MT2A: variants seen among roughly 807,000 people sequenced by gnomAD.
The protein encoded by MT2A is metallothionein-2.
Under a neutral mutation model 9.9 loss-of-function variants are expected in MT2A, and 6 were observed. That is an observed-to-expected ratio of 0.61 (90% CI 0.33 to 1.20). The LOEUF is 1.20. Ranked by LOEUF, MT2A falls within the 50% of genes most tolerant of loss-of-function variation. MT2A has a pLI of 0.04. For synonymous variants in MT2A, 27 were observed against 28.7 expected, an observed-to-expected ratio of 0.94 and a Z score of 0.18; for missense variants, 57 against 78.2, an observed-to-expected ratio of 0.73 and a Z score of 1.02.
intron 2 of MT2A, 24 bp downstream of exon 2, chr16:56,609,081 C>T (rs968804747): frequency 1.9e-6 from 3 of 1,613,766 alleles, no homozygotes; most frequent in Admixed American, 3.3e-5. Flanking sequence ...TCTCTTTCCT[C>T]TACCCCTTCC....
chr16:56,609,184 G>A, intron 2 of MT2A, 79 bp from the exon 3 acceptor site: 4 of 1,612,840 alleles, frequency 2.5e-6, no homozygotes, highest in Non-Finnish European at 3.4e-6. Context: ...CCTCCTCAGT[G>A]ATCCTTATCA....
In MT2A at chr16:56,609,023, A is replaced by G. The variant is rs959287335; in HGVS notation, c.60A>G (p.Lys20=). The change falls in exon 2 of 3, where the codon AAA becomes AAG. Residue 20 remains lysine (K), a synonymous_variant. Transcript: ENST00000245185. ...CCTGCACCTGCGCCGGCTCCTGCAA[A>G]TGCAAAGAGTGCAAATGCACCTCCT... The part of the protein sequence containing the change: ...GDSCTCAGSC[K]CKECKCTSCK... 6.2e-7 allele frequency: 1 copy of G among 1,614,146 alleles called. No homozygotes were observed. The highest frequency in any genetic ancestry group is 1.7e-5 in the Admixed American group (1 of 60,026).
Position 56,609,284 on chromosome 16 carries a change from T to G in MT2A, c.116T>G (p.Val39Gly). ...CCAGGCTGCTGCTCCTGCTGCCCTG[T>G]GGGCTGTGCCAAGTGTGCCCAGGGC... ...CKKSCCSCCPVGCAKCAQGCI... is the reference protein window; with the variant it reads ...CKKSCCSCCPGGCAKCAQGCI... Residue 39 changes from valine to glycine, a missense_variant, in exon 3 of 3, where the codon GTG (valine) becomes GGG (glycine). Val to Gly is a moderately radical substitution (Grantham distance 109, BLOSUM62 -3). Transcript: ENST00000245185. 2 of 1,614,204 alleles carry G rather than the reference T, an allele frequency of 1.2e-6. No homozygotes were observed. Among genetic ancestry groups the G allele is most frequent in the Non-Finnish European group, 1.7e-6 (2 of 1,180,040 alleles).
chr16:56,609,104 C>G (rs1440701557), intron 2 of MT2A, 47 bp downstream of exon 2: 1 of 1,612,340 alleles, frequency 6.2e-7, no homozygotes, highest in Non-Finnish European at 8.5e-7. Context: ...GTCCTCCAGC[C>G]TGTCCCCTCT....
In MT2A at chr16:56,609,378, A is replaced by G; in HGVS notation, c.*24A>G. On this transcript the variant is annotated 3_prime_UTR_variant, in exon 3 of 3. Coordinates refer to ENST00000245185, the MANE Select transcript of MT2A (RefSeq NM_005953.5). The stretch of plus-strand genomic sequence containing the variant: ...GATGCTGGGACAGCCCCGCTCCCAG[A>G]TGTAAAGAACGCGACTTCCACAAAC... The G allele has an allele frequency of 6.2e-7, 1 of 1,611,990 alleles. No homozygotes were observed. The highest frequency in any genetic ancestry group is 1.1e-5 in the South Asian group (1 of 90,976).
chr16:56,609,489 T>C lies in MT2A; in HGVS notation c.*135T>C, dbSNP rs1960008776. 2.4e-6 allele frequency: 3 copies of C among 1,238,698 alleles called. No individual in the cohort carries two copies. Among genetic ancestry groups the C allele is most frequent in the Non-Finnish European group, 3.3e-6 (3 of 905,126 alleles). 76.7% of individuals were successfully genotyped at this position (1,238,698 alleles called of 1,614,324 possible). A position where few individuals can be genotyped will look rare whatever the true frequency, so the allele number is the denominator to read the frequency against. On this transcript the variant is annotated 3_prime_UTR_variant, in exon 3 of 3. Coordinates refer to ENST00000245185, the MANE Select transcript of MT2A (RefSeq NM_005953.5). The stretch of plus-strand genomic sequence containing the variant: ...TAATGTGAATGATAATAAAACAGCT[T>C]TGACTTGATTCTGTCTCTGGTTTCC...
At chr16:56,608,728 G>A (rs1267059404) in intron 1 of MT2A, 45 bp downstream of exon 1, 18 of 1,613,094 alleles carry the variant, frequency 1.1e-5, no homozygotes, top group Non-Finnish European at 1.4e-5. Context: ...CGCTAGAGAA[G>A]CAATTTCTGA....
In MT2A at chr16:56,609,388, C is replaced by A. The variant is rs757440262; in HGVS notation, c.*34C>A. On this transcript the variant is annotated 3_prime_UTR_variant, in exon 3 of 3. Coordinates refer to ENST00000245185, the MANE Select transcript of MT2A (RefSeq NM_005953.5). ...CAGCCCCGCTCCCAGATGTAAAGAACGCGACTTCCACAAACCTGGATTTTT... is the reference window on the plus strand; with the variant it reads ...CAGCCCCGCTCCCAGATGTAAAGAAAGCGACTTCCACAAACCTGGATTTTT... 92 of 1,610,200 alleles carry A rather than the reference C, an allele frequency of 5.7e-5. No homozygotes were observed. Among genetic ancestry groups the A allele is most frequent in the African/African-American group, 9.4e-5 (7 of 74,738 alleles).
At chr16:56,609,187 C>T (rs781165453) in intron 2 of MT2A, 76 bp from the exon 3 acceptor site, 1 of 1,613,006 alleles carries the variant, frequency 6.2e-7, no homozygotes, top group South Asian at 1.1e-5. Context: ...CCTCAGTGAT[C>T]CTTATCAGGG....
In MT2A at chr16:56,608,614, G is replaced by C; in HGVS notation, c.-42G>C. 1 of 1,614,028 alleles carries C rather than the reference G, an allele frequency of 6.2e-7. No individual in the cohort carries two copies. Among genetic ancestry groups the C allele is most frequent in the East Asian group, 2.2e-5 (1 of 44,878 alleles). ...GCCTCCTCCAAGTCCCAGCGAACCC[G>C]CGTGCAACCTGTCCCGACTCTAGCC... On this transcript the variant is annotated 5_prime_UTR_variant, in exon 1 of 3. Coordinates refer to ENST00000245185, the MANE Select transcript of MT2A (RefSeq NM_005953.5).
intron 1 of MT2A, 76 bp from the exon 2 acceptor site, chr16:56,608,916 G>T: frequency 6.5e-7 from 1 of 1,546,468 alleles, no homozygotes; most frequent in Non-Finnish European, 8.9e-7. Flanking sequence ...GAGGAACTCG[G>T]CCCCGGGCTC....
intron 2 of MT2A, 88 bp downstream of exon 2, chr16:56,609,145 G>A: frequency 1.2e-6 from 2 of 1,610,342 alleles, no homozygotes; most frequent in Admixed American, 1.7e-5. Context: ...AAAGCAGTCT[G>A]GGGATGCCCC....
chr16:56,608,841 CT>C, intron 1 of MT2A, 150 bp from the exon 2 acceptor site: 3 of 1,326,224 alleles, frequency 2.3e-6, no homozygotes, highest in Non-Finnish European at 3.2e-6. Flanking sequence ...TCGGAGCCCC[CT>C]TTTTACCGTT....
intron 1 of MT2A, 140 bp downstream of exon 1, chr16:56,608,823 T>C: frequency 7.4e-7 from 1 of 1,347,604 alleles, no homozygotes; most frequent in Non-Finnish European, 1.0e-6. Context: ...CTCTCCATTC[T>C]AGGTTATTCG....
rs376297099 is a variant in MT2A, at chr16:56,609,369, C to T, written c.*15C>T. 5.0e-6 allele frequency: 8 copies of T among 1,612,878 alleles called. No homozygotes were observed. The highest frequency in any genetic ancestry group is 1.7e-5 in the Admixed American group (1 of 59,626). Reference sequence around the variant, plus strand: ...GCTGCGCCTGATGCTGGGACAGCCCCGCTCCCAGATGTAAAGAACGCGACT... The same window carrying T: ...GCTGCGCCTGATGCTGGGACAGCCCTGCTCCCAGATGTAAAGAACGCGACT... On this transcript the variant is annotated 3_prime_UTR_variant, in exon 3 of 3. Transcript: ENST00000245185.
At position 56,608,612 on chromosome 16, in the gene MT2A, C is replaced by G. The variant is rs775392599; in HGVS notation, c.-44C>G. 3.1e-6 allele frequency: 5 copies of G among 1,614,028 alleles called. No individual in the cohort carries two copies. In the East Asian group the frequency reaches 1.1e-4, roughly 36 times the overall value. On this transcript the variant is annotated 5_prime_UTR_variant, in exon 1 of 3. Coordinates refer to ENST00000245185, the MANE Select transcript of MT2A (RefSeq NM_005953.5). The stretch of plus-strand genomic sequence containing the variant: ...ACGCCTCCTCCAAGTCCCAGCGAAC[C>G]CGCGTGCAACCTGTCCCGACTCTAG...
In MT2A at chr16:56,609,070, C is replaced by T. The variant is rs777770713; in HGVS notation, c.94+13C>T. ...TCCTGCAAGAAAAGTAAGTGGGATC[C>T]TCTCTTTCCTCTACCCCTTCCCTGT... On this transcript the variant is annotated intron_variant, in intron 2 of 2. Coordinates refer to ENST00000245185, the MANE Select transcript of MT2A (RefSeq NM_005953.5). 5.0e-6 allele frequency: 8 copies of T among 1,614,020 alleles called. No individual in the cohort carries two copies. The highest frequency in any genetic ancestry group is 1.7e-5 in the Admixed American group (1 of 60,012).
In MT2A at chr16:56,609,038, A is replaced by C; in HGVS notation, c.75A>C (p.Lys25Asn). 6.2e-7 allele frequency: 1 copy of C among 1,614,140 alleles called. No homozygotes were observed. The highest frequency in any genetic ancestry group is 1.3e-5 in the African/African-American group (1 of 75,012). The part of the protein sequence containing the change: ...CAGSCKCKEC[K>N]CTSCKKSCCS... ...GCTCCTGCAAATGCAAAGAGTGCAA[A>C]TGCACCTCCTGCAAGAAAAGTAAGT... The change falls in exon 2 of 3, where the codon AAA becomes AAC. Residue 25 changes from lysine (K) to asparagine (N), a missense_variant. Transcript: ENST00000245185.
In MT2A at chr16:56,609,283, GT is replaced by G. The variant is rs1362019609; in HGVS notation, c.116del (p.Val39GlyfsTer61). The part of the protein sequence containing the change: ...CKKSCCSCCP[V>X]GCAKCAQGCI... ...CCCAGGCTGCTGCTCCTGCTGCCCT[GT>G]GGGCTGTGCCAAGTGTGCCCAGGGC... On this transcript the variant is annotated frameshift_variant, in exon 3 of 3. Transcript: ENST00000245185. LOFTEE classifies it high-confidence loss of function. 1 of 1,614,068 alleles carries G rather than the reference GT, an allele frequency of 6.2e-7. No homozygotes were observed. Among genetic ancestry groups the G allele is most frequent in the Non-Finnish European group, 8.5e-7 (1 of 1,180,046 alleles).
Sources: allele counts gnomAD v4.1 joint callset, GRCh38; gene constraint gnomAD v4.1.1; transcripts MANE v1.5; gene names NCBI Gene and HGNC (gene_info 2026-07-23, HGNC 2026-07-21).